Variants in MYO7B observed in about 807,000 individuals in gnomAD.
The protein encoded by MYO7B is myosin VIIB, also known as unconventional myosin-VIIb.
In MYO7B, 212 loss-of-function variants were observed where a neutral mutation model predicts 259.7. The ratio of observed to expected loss-of-function variants is 0.82; its 90% CI spans 0.73 to 0.91. The LOEUF (loss-of-function observed/expected upper bound fraction) is 0.91, where lower values mean the gene tolerates loss of function less well. Ranked by LOEUF, MYO7B falls within the 40% of genes least tolerant of loss-of-function variation. The pLI, the probability that MYO7B is intolerant of heterozygous loss-of-function variation, is 0.00. For synonymous variants in MYO7B, 1,197 were observed against 1,166.4 expected (o/e 1.03, Z -0.54); for missense variants, 2,732 against 2,813.5 (o/e 0.97, Z 0.66).
rs531750826 is a variant in MYO7B, at chr2:127,608,750, G to A, written c.2686G>A (p.Ala896Thr). ...IPAEGQKSQGALPAKKRRSIY... is the reference protein window; with the variant it reads ...IPAEGQKSQGTLPAKKRRSIY... Reference sequence around the variant, plus strand: ...GGCCGAGGGGCAGAAAAGCCAAGGCGCTCTCCCTGCCAAGAAGCGCAGATC... The same window carrying A: ...GGCCGAGGGGCAGAAAAGCCAAGGCACTCTCCCTGCCAAGAAGCGCAGATC... Residue 896 changes from alanine to threonine, a missense_variant, in exon 22 of 48, where the codon GCT becomes ACT. Ala to Thr is a moderately conservative substitution (Grantham distance 58, BLOSUM62 0). This residue lies in a region of MYO7B where 1,906 missense variants were observed against 2,026.4 expected (regional missense o/e 0.94). Transcript: ENST00000409816. 87 of 1,613,302 alleles carry A rather than the reference G, an allele frequency of 5.4e-5. 1 individual carries two copies. The highest frequency in any genetic ancestry group is 3.1e-4 in the South Asian group (28 of 91,064).
At chr2:127,602,771 G>A (rs1680012552) in intron 19 of MYO7B, among the ~76,000 whole-genome samples, 1 of 152,202 alleles carries the variant, frequency 6.6e-6, no homozygotes, top group Admixed American at 6.5e-5. Context: ...GGCTGAGGCA[G>A]GTGGCTCACT....
chr2:127,630,336 C>T (rs954111776), intron 35 of MYO7B, among the ~76,000 whole-genome samples: 1 of 152,206 alleles, frequency 6.6e-6, no homozygotes, highest in African/African-American at 2.4e-5. Context: ...TGCAAAGTGC[C>T]ACCAAGGAGA....
Position 127,627,381 on chromosome 2 carries a change from GA to G in MYO7B, c.4460+72del. 7.0e-7 allele frequency: 1 copy of G among 1,434,336 alleles called. No homozygotes were observed. The allele number at this position is 1,434,336 out of a possible 1,614,324, so 88.9% of individuals were successfully genotyped here. On this transcript the variant is annotated intron_variant, in intron 33 of 47. Transcript: ENST00000409816. This position sits in a 1 kb window ranked among gnomAD's most constrained non-coding sequence, Gnocchi z 5.6. Reference sequence around the variant, plus strand: ...TGATGCATCTGGGGGCTCGGGGAGAGATGGGGAGAGGGGCAGTGTGCCGTCC... The same window carrying G: ...TGATGCATCTGGGGGCTCGGGGAGAGTGGGGAGAGGGGCAGTGTGCCGTCC...
chr2:127,633,261 G>A lies in MYO7B; in HGVS notation c.5409G>A (p.Thr1803=), dbSNP rs532897773. The change falls in exon 40 of 48, where the codon ACG becomes ACA. Residue 1803 remains threonine, a synonymous_variant. Transcript: ENST00000409816. The stretch of plus-strand genomic sequence containing the variant: ...CAGCACACGCTGTCCCCCTCAGGAC[G>A]GGGCCCCGGAAGCAGCCCCCGCACC... ...CSRRIQKVLR[T]GPRKQPPHQV... 2.1e-5 allele frequency: 34 copies of A among 1,608,758 alleles called. No homozygotes were observed. Among genetic ancestry groups the A allele is most frequent in the African/African-American group, 9.3e-5 (7 of 74,928 alleles).
chr2:127,574,382 G>GA lies in MYO7B; in HGVS notation c.735+330dup, dbSNP rs567633566. On this transcript the variant is annotated intron_variant, in intron 7 of 47. Transcript: ENST00000409816. ...AAAACCCTGCCTCTACAAAAAATAT[G>GA]AAAAAAAAAATTAGCTAGGCAGTGG... 3.1e-4 allele frequency among the ~76,000 whole-genome samples: 47 copies of GA among 150,254 alleles called. 1 individual carries two copies. Among genetic ancestry groups the GA allele is most frequent in the Admixed American group, 7.3e-4 (11 of 15,110 alleles).
rs1680369978 is a variant in MYO7B at position 127,611,137 on chromosome 2, G to T, written c.3193-1113G>T. Among the ~76,000 whole-genome samples the T allele has an allele frequency of 6.6e-6, 1 of 152,240 alleles. No individual in the cohort carries two copies. The highest frequency in any genetic ancestry group is 1.5e-5 in the Non-Finnish European group (1 of 68,048). On this transcript the variant is annotated intron_variant, in intron 24 of 47. Transcript: ENST00000409816. This position sits in a 1 kb window ranked among gnomAD's most constrained non-coding sequence, Gnocchi z 5.4. ...GGCTCACTCACATGGCTGTTGGTGG[G>T]AGGCCTCAGTTCCTTGTCATGTGGG...
Position 127,584,887 on chromosome 2 carries a change from CCGGCG to C in MYO7B, c.1665_1669del (p.Glu557ValfsTer66), listed in dbSNP as rs775136366. The C allele has an allele frequency of 6.2e-7, 1 of 1,613,944 alleles. No homozygotes were observed. The highest frequency in any genetic ancestry group is 1.3e-5 in the African/African-American group (1 of 75,016). On this transcript the variant is annotated frameshift_variant, in exon 14 of 48. Transcript: ENST00000409816. LOFTEE classifies it high-confidence loss of function. This position sits in a 1 kb window ranked among gnomAD's most constrained non-coding sequence, Gnocchi z 5.8. Reference sequence around the variant, plus strand: ...GCCAGATTTGGCATTGCCCATTTTGCCGGCGAGGTGTACTACCAAGCAGAAGGTGG... The same window carrying C: ...GCCAGATTTGGCATTGCCCATTTTGCAGGTGTACTACCAAGCAGAAGGTGG...
rs200598674 is a variant in MYO7B at position 127,624,137 on chromosome 2, C to T, written c.3864C>T (p.Ile1288=). 3.4e-5 allele frequency: 54 copies of T among 1,591,502 alleles called. No individual in the cohort carries two copies. The highest frequency in any genetic ancestry group is 7.0e-5 in the Admixed American group (4 of 57,252). ...GSGRDHMMDA[I]ARCEQMAQER... is the part of the protein sequence containing the mutation. ...GGCGCGACCACATGATGGATGCCATCGCCCGGTGTGAGCAGATGGCCCAGG... is the reference window on the plus strand; with the variant it reads ...GGCGCGACCACATGATGGATGCCATTGCCCGGTGTGAGCAGATGGCCCAGG... The change falls in exon 30 of 48, where the codon ATC becomes ATT. Residue 1288 remains isoleucine (I), a synonymous_variant. Coordinates refer to ENST00000409816, the MANE Select transcript of MYO7B (RefSeq NM_001393586.1).
chr2:127,557,615 C>A (rs575106353), intron 1 of MYO7B, among the ~76,000 whole-genome samples: 1 of 152,228 alleles, frequency 6.6e-6, no homozygotes, highest in African/African-American at 2.4e-5. Flanking sequence ...TAGTACTCTC[C>A]CCCTTTTGTG....
Position 127,632,346 on chromosome 2 carries a change from C to T in MYO7B, c.5350C>T (p.Arg1784Trp), listed in dbSNP as rs560114708. Residue 1784 changes from arginine to tryptophan, a missense_variant, in exon 39 of 48, where the codon CGG becomes TGG. Arg to Trp is a moderately radical substitution (Grantham distance 101). Transcript: ENST00000409816. ...CCATGCCCAGAAGTTTATAGACACT[C>T]GGAGGGGGAAGCTGCTGGCCCCCGA... ...LPHAQKFIDT[R>W]RGKLLAPDCS... 2.2e-5 allele frequency: 35 copies of T among 1,600,840 alleles called. 1 individual carries two copies. Among genetic ancestry groups the T allele is most frequent in the South Asian group, 1.9e-4 (17 of 89,960 alleles).
intron 14 of MYO7B, among the ~76,000 whole-genome samples, chr2:127,587,847 G>T (rs1035538250): frequency 2.6e-5 from 4 of 151,826 alleles, no homozygotes; most frequent in African/African-American, 9.7e-5. Flanking sequence ...GATTACAGGT[G>T]TGAGCCACCA....
At position 127,613,831 on chromosome 2, in the gene MYO7B, A is replaced by G. The variant is rs1163133441; in HGVS notation, c.3398+1228A>G. On this transcript the variant is annotated intron_variant, in intron 26 of 47. Transcript: ENST00000409816. The surrounding 1 kb of genome is among the most constrained non-coding windows in gnomAD (Gnocchi z 4.3). ...CTTTTTAGTTATTTTAGCCTTGGCT[A>G]GAGTACCTGGAGTCTGCCCCACCAT... is the stretch of plus-strand genomic sequence containing the variant. Among the ~76,000 whole-genome samples the G allele has an allele frequency of 6.6e-6, 1 of 152,226 alleles. No individual in the cohort carries two copies. The highest frequency in any genetic ancestry group is 1.5e-5 in the Non-Finnish European group (1 of 68,044).
At position 127,580,895 on chromosome 2, in the gene MYO7B, C is replaced by A. The variant is rs181255698; in HGVS notation, c.1080+73C>A. The A allele has an allele frequency of 3.7e-4, 517 of 1,411,480 alleles. 3 individuals are homozygous for A. The African/African-American group carries it at 6.4e-3, about 17-fold the overall frequency. The allele number at this position is 1,411,480 out of a possible 1,614,324, so 87.4% of individuals were successfully genotyped here. Reference sequence around the variant, plus strand: ...GGCCTGGGCTGACAGACCCCTGACACCTGATTCTTATAACCCTACCCAGGC... The same window carrying A: ...GGCCTGGGCTGACAGACCCCTGACAACTGATTCTTATAACCCTACCCAGGC... On this transcript the variant is annotated intron_variant, in intron 10 of 47. Transcript: ENST00000409816.
At chr2:127,622,194 C>A in intron 28 of MYO7B, 93 bp downstream of exon 28, 1 of 1,439,682 alleles carries the variant, frequency 6.9e-7, no homozygotes, top group South Asian at 1.4e-5. Flanking sequence ...TCTCCTAGGA[C>A]AGAACTTTGT....
chr2:127,558,841 TG>T (rs1390025802), intron 1 of MYO7B, among the ~76,000 whole-genome samples: 2 of 152,082 alleles, frequency 1.3e-5, no homozygotes, highest in Non-Finnish European at 2.9e-5. Flanking sequence ...AGCTAAGCTA[TG>T]AGGATGCAAA....
chr2:127,580,637 G>T, intron 9 of MYO7B, 109 bp from the exon 10 acceptor site: 4 of 1,068,830 alleles, frequency 3.7e-6, no homozygotes, highest in Non-Finnish European at 5.5e-6. Flanking sequence ...CGCCAGGGCA[G>T]CTGTCCTCCT....
intron 28 of MYO7B, among the ~76,000 whole-genome samples, chr2:127,622,403 G>T (rs1325632222): frequency 6.6e-6 from 1 of 152,176 alleles, no homozygotes; most frequent in African/African-American, 2.4e-5. Flanking sequence ...TCCCCTCCAA[G>T]GGCATTTCAC....
intron 15 of MYO7B, 104 bp downstream of exon 15, chr2:127,588,659 T>A: frequency 7.2e-7 from 1 of 1,380,052 alleles, no homozygotes; most frequent in Non-Finnish European, 9.9e-7. Flanking sequence ...GTCCACAGCA[T>A]GCAGTTGGCA....
chr2:127,605,647 G>A (rs1680133798), intron 19 of MYO7B, among the ~76,000 whole-genome samples, 197 bp from the exon 20 acceptor site: 1 of 152,168 alleles, frequency 6.6e-6, no homozygotes, highest in Non-Finnish European at 1.5e-5. Context: ...ACAAATTTGG[G>A]TTGCTGATAG....
Sources: allele counts gnomAD v4.1 joint callset (sites outside exome capture counted in the v4.1 genomes callset), GRCh38; gene constraint gnomAD v4.1.1; regional missense constraint gnomAD v4.1.1; non-coding constraint Gnocchi (gnomAD v3.1); transcripts MANE v1.5; gene names NCBI Gene and HGNC (gene_info 2026-07-23, HGNC 2026-07-21).